LEPR: variants seen among roughly 807,000 people sequenced by gnomAD.
LEPR encodes leptin receptor, also known as OB receptor.
LEPR carries 56 observed loss-of-function variants against 114.7 expected under a neutral mutation model. The observed-to-expected ratio is 0.49, with a 90% CI of 0.39 to 0.61. LEPR has a LOEUF of 0.61. Ranked by LOEUF, LEPR falls within the 20% of genes least tolerant of loss-of-function variation. The probability of loss-of-function intolerance (pLI) is 0.00; values close to 1 mark genes in which losing one functional copy is unlikely to be tolerated. For synonymous variants in LEPR, 443 were observed against 461.4 expected (o/e 0.96, Z 0.51); for missense variants, 1,202 against 1,352.9 (o/e 0.89, Z 1.75).
intron 2 of LEPR, among the ~76,000 whole-genome samples, chr1:65,565,075 A>G (rs1653634821): frequency 6.6e-6 from 1 of 152,234 alleles, no homozygotes; most frequent in African/African-American, 2.4e-5. Flanking sequence ...TTGGAAATAA[A>G]TAGGCAGTTG....
At chr1:65,569,413 A>G (rs955228584) in intron 3 of LEPR, among the ~76,000 whole-genome samples, 3 of 152,212 alleles carry the variant, frequency 2.0e-5, no homozygotes, top group African/African-American at 7.2e-5. Context: ...ACAAATATTT[A>G]AAAATAAGTT....
intron 2 of LEPR, among the ~76,000 whole-genome samples, chr1:65,518,893 CTTTCTTTCTTTCTT>C (rs1557636192): frequency 1.2e-5 from 1 of 83,664 alleles, no homozygotes. Flanking sequence ...TTCTTTCTTT[CTTTCTTTCTTTCTT>C]TCTTTCTTTC....
intron 2 of LEPR, among the ~76,000 whole-genome samples, chr1:65,527,214 T>C (rs1178524763): frequency 6.6e-6 from 1 of 152,246 alleles, no homozygotes; most frequent in Non-Finnish European, 1.5e-5. Flanking sequence ...CATAAAGTTG[T>C]GGGCAGAATG....
chr1:65,439,242 T>C (rs1467580820), intron 2 of LEPR, among the ~76,000 whole-genome samples: 1 of 152,160 alleles, frequency 6.6e-6, no homozygotes, highest in Non-Finnish European at 1.5e-5. Context: ...AAAATCCCGG[T>C]AAGATTTTTA....
chr1:65,604,407 C>G (rs1422758400), intron 10 of LEPR, among the ~76,000 whole-genome samples: 1 of 151,940 alleles, frequency 6.6e-6, no homozygotes, highest in African/African-American at 2.4e-5. Flanking sequence ...TGCAGTGGTA[C>G]CATCTCCGTT....
intron 1 of LEPR, chr1:65,421,588 A>G (rs1036657514): frequency 2.9e-6 from 3 of 1,032,314 alleles, no homozygotes; most frequent in East Asian, 2.6e-5. Flanking sequence ...AAACATGTAG[A>G]TAGTATATAT....
chr1:65,457,425 T>A (rs1423718190), intron 2 of LEPR, among the ~76,000 whole-genome samples: 1 of 152,174 alleles, frequency 6.6e-6, no homozygotes, highest in East Asian at 1.9e-4. Context: ...TTTGGAGGTT[T>A]CTACTGATAG....
chr1:65,488,192 C>A (rs1647628833), intron 2 of LEPR, among the ~76,000 whole-genome samples: 1 of 20,526 alleles, frequency 4.9e-5, no homozygotes, highest in Admixed American at 5.6e-4. Context: ...TTCTTTCTTT[C>A]TTTCTTTCTT....
chr1:65,557,294 A>G (rs1190273823), intron 2 of LEPR, among the ~76,000 whole-genome samples: 1 of 152,210 alleles, frequency 6.6e-6, no homozygotes, highest in Non-Finnish European at 1.5e-5. Context: ...GAACAAATTA[A>G]TGGTTCATCC....
intron 2 of LEPR, among the ~76,000 whole-genome samples, chr1:65,513,462 A>C (rs770846103): frequency 6.6e-6 from 1 of 152,232 alleles, no homozygotes; most frequent in Non-Finnish European, 1.5e-5. Flanking sequence ...ATTAGTTCAG[A>C]ATTAGAACCT....
intron 2 of LEPR, among the ~76,000 whole-genome samples, chr1:65,503,207 C>A (rs534868428): frequency 6.6e-6 from 1 of 152,092 alleles, no homozygotes; most frequent in African/African-American, 2.4e-5. Context: ...AGTGATGAAA[C>A]CATTCTGCAT....
At chr1:65,609,048 G>A in intron 12 of LEPR, 147 bp downstream of exon 12, 1 of 1,133,394 alleles carries the variant, frequency 8.8e-7, no homozygotes. Context: ...ATTTATCTAA[G>A]TCTAACTTTT....
chr1:65,477,245 T>A (rs1647169652), intron 2 of LEPR, among the ~76,000 whole-genome samples: 2 of 152,348 alleles, frequency 1.3e-5, no homozygotes, highest in South Asian at 4.1e-4. Flanking sequence ...TTTAATTTAC[T>A]TTGCTTCCTC....
intron 2 of LEPR, among the ~76,000 whole-genome samples, chr1:65,485,188 T>G (rs1647423334): frequency 6.6e-6 from 1 of 152,150 alleles, no homozygotes; most frequent in African/African-American, 2.4e-5. Context: ...TTTTCATCCA[T>G]AAAGCATTTC....
At chr1:65,585,919 C>A (rs1184798183) in intron 5 of LEPR, among the ~76,000 whole-genome samples, 1 of 151,908 alleles carries the variant, frequency 6.6e-6, no homozygotes, top group African/African-American at 2.4e-5. Flanking sequence ...TTCACACAAA[C>A]TTGGGAAACT....
chr1:65,533,896 T>G (rs1049120985), intron 2 of LEPR, among the ~76,000 whole-genome samples: 1 of 152,172 alleles, frequency 6.6e-6, no homozygotes, highest in Non-Finnish European at 1.5e-5. Context: ...GTTCCGTATG[T>G]GCATGTTAAA....
At chr1:65,445,295 A>C (rs1646700172) in intron 2 of LEPR, among the ~76,000 whole-genome samples, 1 of 152,220 alleles carries the variant, frequency 6.6e-6, no homozygotes. Context: ...GACAAAGTCA[A>C]TAATAAATAA....
chr1:65,620,105 T>G, intron 17 of LEPR, 82 bp downstream of exon 17: 1 of 1,072,088 alleles, frequency 9.3e-7, no homozygotes, highest in East Asian at 2.6e-5. Flanking sequence ...CTGATTATTC[T>G]TTTTCTGATA....
chr1:65,602,114 A>C (rs1020899661), intron 10 of LEPR, among the ~76,000 whole-genome samples, 154 bp downstream of exon 10: 3 of 152,098 alleles, frequency 2.0e-5, no homozygotes, highest in African/African-American at 7.2e-5. Context: ...GGATTATATA[A>C]ATTGGTGATT....
Sources: gnomAD v4.1 joint callset for allele counts (sites outside exome capture counted in the v4.1 genomes callset) on GRCh38, gnomAD v4.1.1 for gene constraint, MANE v1.5 for transcripts, NCBI Gene and HGNC (gene_info 2026-07-23, HGNC 2026-07-21) for gene names.